IQCB1: variants seen among roughly 807,000 people sequenced by gnomAD.
IQCB1 encodes IQ calmodulin-binding motif-containing protein 1.
In IQCB1, 56 loss-of-function variants were observed where a neutral mutation model predicts 84.4. The ratio of observed to expected loss-of-function variants is 0.66; its 90% CI spans 0.54 to 0.83. IQCB1 has a LOEUF of 0.83. Among genes scored for constraint, IQCB1 ranks in the 40% least tolerant of loss-of-function variants. The pLI, the probability that IQCB1 is intolerant of heterozygous loss-of-function variation, is 0.00. For synonymous variants in IQCB1, 210 were observed against 234.8 expected, an observed-to-expected ratio of 0.89 and a Z score of 0.96; for missense variants, 629 against 682.1, an observed-to-expected ratio of 0.92 and a Z score of 0.87.
chr3:121,807,205 T>A, intron 7 of IQCB1, 139 bp downstream of exon 7: 1 of 611,580 alleles, frequency 1.6e-6, no homozygotes, highest in Non-Finnish European at 3.0e-6. Flanking sequence ...GTATATACAT[T>A]ATATACGAGT....
rs4543051 is a variant in IQCB1, at chr3:121,807,357, G to A, written c.574C>T (p.Leu192=). ...AAACCAAGTCACCTGTTGATCTGTA[G>A]TATATTCTGTAGCATCATCATGACT... ...SAVMMMLQNI[L]QINSGDLLRI... is the part of the protein sequence containing the mutation. Residue 192 remains leucine, a synonymous_variant, in exon 7 of 15, where the codon CTA becomes TTA. Transcript: ENST00000310864. 941,152 of 1,508,050 alleles carry A rather than the reference G, an allele frequency of 0.62. 298,528 individuals are homozygous for A. Among genetic ancestry groups the A allele is most frequent in the Admixed American group, 0.72 (42,931 of 59,658 alleles). The allele number at this position is 1,508,050 out of a possible 1,614,324, so 93.4% of individuals were successfully genotyped here.
chr3:121,804,948 A>C (rs1052096759), intron 7 of IQCB1, among the ~76,000 whole-genome samples: 13 of 152,278 alleles, frequency 8.5e-5, no homozygotes, highest in African/African-American at 3.1e-4. Flanking sequence ...TACGCCTTAA[A>C]GTTCACTAAT....
chr3:121,799,247 C>T lies in IQCB1; in HGVS notation c.715G>A (p.Glu239Lys). Residue 239 changes from glutamate to lysine, a missense_variant, in exon 8 of 15, where the codon GAA (glutamate) becomes AAA (lysine). Glu to Lys is a moderately conservative substitution (Grantham distance 56). Transcript: ENST00000310864. Reference sequence around the variant, plus strand: ...AAAATCAAAATTTCCTGATGGGATTCAGCCATCAACAGTAGGAGTTTTGTA... The same window carrying T: ...AAAATCAAAATTTCCTGATGGGATTTAGCCATCAACAGTAGGAGTTTTGTA... Reference protein sequence around the residue: ...TATKLLLLMAESHQEILILLR... With the variant: ...TATKLLLLMAKSHQEILILLR... 1.2e-6 allele frequency: 2 copies of T among 1,610,288 alleles called. No individual in the cohort carries two copies. Among genetic ancestry groups the T allele is most frequent in the Non-Finnish European group, 1.7e-6 (2 of 1,177,394 alleles).
chr3:121,823,822 T>C (rs1265080370), intron 5 of IQCB1, among the ~76,000 whole-genome samples: 1 of 152,238 alleles, frequency 6.6e-6, no homozygotes, highest in Non-Finnish European at 1.5e-5. Flanking sequence ...TTTTCTTTCA[T>C]TTCTTTAAAT....
At chr3:121,772,469 A>T in intron 14 of IQCB1, 88 bp downstream of exon 14, 1 of 1,303,150 alleles carries the variant, frequency 7.7e-7, no homozygotes, top group Non-Finnish European at 1.1e-6. Flanking sequence ...AAAGATGCTT[A>T]GTAATGGTTT....
chr3:121,811,237 C>A (rs372541506), intron 5 of IQCB1, among the ~76,000 whole-genome samples: 1 of 152,258 alleles, frequency 6.6e-6, no homozygotes, highest in African/African-American at 2.4e-5. Flanking sequence ...CTATCTGGCC[C>A]AGATACTACG....
At position 121,790,102 on chromosome 3, in the gene IQCB1, T is replaced by C; in HGVS notation, c.1100A>G (p.Gln367Arg). The C allele has an allele frequency of 1.9e-6, 3 of 1,613,746 alleles. No individual in the cohort carries two copies. Among genetic ancestry groups the C allele is most frequent in the Non-Finnish European group, 2.5e-6 (3 of 1,179,634 alleles). Reference sequence around the variant, plus strand: ...ATGAACTATTTCGAGCATACTCAGCTGCAATTCTCGGGAAAGTCTCATGGC... The same window carrying C: ...ATGAACTATTTCGAGCATACTCAGCCGCAATTCTCGGGAAAGTCTCATGGC... The part of the protein sequence containing the change: ...QRAMRLSREL[Q>R]LSMLEIVHPG... The change falls in exon 11 of 15, where the codon CAG (glutamine) becomes CGG (arginine). Residue 367 changes from glutamine to arginine, a missense_variant. Physicochemically the swap from Gln to Arg is conservative, Grantham distance 43 (BLOSUM62 1). Transcript: ENST00000310864.
intron 5 of IQCB1, among the ~76,000 whole-genome samples, chr3:121,820,806 A>G (rs541016546): frequency 6.6e-6 from 1 of 151,008 alleles, no homozygotes; most frequent in Admixed American, 6.6e-5. Flanking sequence ...TTGACCCTCT[A>G]TTTTTCCAAA....
In IQCB1 at chr3:121,797,357, T is replaced by C. The variant is rs1949240345; in HGVS notation, c.767-130A>G. ...AATGAAAACAAGATTAATCATATGA[T>C]TTTTCTTTTTCCTTTTCTCAGAGAA... On this transcript the variant is annotated intron_variant, in intron 8 of 14. Transcript: ENST00000310864. 11 of 508,144 alleles carry C rather than the reference T, an allele frequency of 2.2e-5. No individual in the cohort carries two copies. In the South Asian group the frequency reaches 3.5e-4, roughly 16 times the overall value. The allele number at this position is 508,144 out of a possible 1,614,324, so 31.5% of individuals were successfully genotyped here.
chr3:121,780,852 CTGTG>C (rs1269643708), intron 13 of IQCB1, among the ~76,000 whole-genome samples: 2 of 145,660 alleles, frequency 1.4e-5, no homozygotes, highest in African/African-American at 2.6e-5. Context: ...GTGTGTGTAT[CTGTG>C]TGTGTGTATG....
chr3:121,810,665 GA>G (rs1484781670), intron 5 of IQCB1, among the ~76,000 whole-genome samples: 1 of 151,992 alleles, frequency 6.6e-6, no homozygotes, highest in East Asian at 1.9e-4. Flanking sequence ...GTGCTTTGAA[GA>G]AAAGATAAAG....
intron 5 of IQCB1, among the ~76,000 whole-genome samples, chr3:121,821,019 C>G (rs1950256668): frequency 6.7e-6 from 1 of 150,282 alleles, no homozygotes. Flanking sequence ...GAGATAGGAT[C>G]TTGCTCTGTT....
At chr3:121,804,062 T>C (rs1411638037) in intron 7 of IQCB1, among the ~76,000 whole-genome samples, 3 of 152,102 alleles carry the variant, frequency 2.0e-5, no homozygotes, top group Admixed American at 6.5e-5. Context: ...TGTTGGCTTA[T>C]CAGCTGTAAA....
intron 13 of IQCB1, among the ~76,000 whole-genome samples, chr3:121,774,524 G>A (rs1029009727): frequency 3.3e-5 from 5 of 152,168 alleles, no homozygotes; most frequent in African/African-American, 7.2e-5. Context: ...AAGGGTGGAC[G>A]GAACCCAAGT....
At chr3:121,776,820 T>C (rs1948250472) in intron 13 of IQCB1, among the ~76,000 whole-genome samples, 1 of 152,246 alleles carries the variant, frequency 6.6e-6, no homozygotes, top group Non-Finnish European at 1.5e-5. Context: ...TTTGTCCATT[T>C]AAAAAACAAA....
Position 121,792,218 on chromosome 3 carries a change from T to A in IQCB1, c.987-2003A>T, listed in dbSNP as rs140790368. Among the ~76,000 whole-genome samples the A allele has an allele frequency of 2.4e-4, 36 of 152,332 alleles. No individual in the cohort carries two copies. In the East Asian group the frequency reaches 6.9e-3, roughly 29 times the overall value. On this transcript the variant is annotated intron_variant, in intron 10 of 14. Transcript: ENST00000310864. ...ATTAGTATGAAAAACATAGTAATCA[T>A]TAAAATTGCATCTGCTAGAATATTT...
chr3:121,809,112 G>C (rs1949725131), intron 5 of IQCB1, 103 bp from the exon 6 acceptor site: 1 of 686,050 alleles, frequency 1.5e-6, no homozygotes, highest in South Asian at 1.7e-5. Flanking sequence ...ACAGTTTCTG[G>C]ATCTAACTTA....
chr3:121,784,176 C>G (rs1378309179), intron 12 of IQCB1, among the ~76,000 whole-genome samples: 1 of 136,310 alleles, frequency 7.3e-6, no homozygotes, highest in Non-Finnish European at 1.6e-5. Context: ...GACTGGTAGT[C>G]TTTTCTATCC....
intron 7 of IQCB1, among the ~76,000 whole-genome samples, chr3:121,805,230 T>C (rs914923745): frequency 1.3e-5 from 2 of 152,182 alleles, no homozygotes; most frequent in African/African-American, 2.4e-5. Context: ...CGTTGAATCG[T>C]AGTATGTTTT....
Sources: gnomAD v4.1 joint callset for allele counts (sites outside exome capture counted in the v4.1 genomes callset) on GRCh38, gnomAD v4.1.1 for gene constraint, MANE v1.5 for transcripts, NCBI Gene and HGNC (gene_info 2026-07-23, HGNC 2026-07-21) for gene names.